The following SLF2 variants were observed in gnomAD, a reference collection of about 807,000 sequenced individuals.
SLF2 encodes SMC5/6 complex localization factor 2.
SLF2 carries 68 observed loss-of-function variants against 124.3 expected under a neutral mutation model. The ratio of observed to expected loss-of-function variants is 0.55; its 90% confidence interval spans 0.45 to 0.67. The LOEUF (loss-of-function observed/expected upper bound fraction) is 0.67, where lower values mean the gene tolerates loss of function less well. Among genes scored for constraint, SLF2 ranks in the 30% least tolerant of loss-of-function variants. The probability of loss-of-function intolerance (pLI) is 0.00; values close to 1 mark genes in which losing one functional copy is unlikely to be tolerated. For missense variants in SLF2, 1,246 were observed against 1,373.7 expected (o/e 0.91, Z 1.47); for synonymous variants, 480 against 478.8 (o/e 1.00, Z -0.03).
chr10:100,913,884 C>G, intron 1 of SLF2: 3 of 984,886 alleles, frequency 3.0e-6, no homozygotes, highest in Non-Finnish European at 3.6e-6. Flanking sequence ...TTTAAATTCC[C>G]TACGAACTTG....
chr10:100,947,893 G>T, intron 15 of SLF2, 46 bp downstream of exon 15: 1 of 1,457,738 alleles, frequency 6.9e-7, no homozygotes, highest in South Asian at 1.1e-5. Context: ...GAGAGGTAAT[G>T]AGAGGTGTAA....
chr10:100,959,815 G>A (rs769380001), intron 19 of SLF2, among the ~76,000 whole-genome samples: 24 of 152,200 alleles, frequency 1.6e-4, no homozygotes, highest in African/African-American at 4.8e-4. Context: ...CCCACTTAAC[G>A]TGTACAGTGG....
intron 13 of SLF2, among the ~76,000 whole-genome samples, chr10:100,946,514 A>T (rs1375988496): frequency 6.6e-6 from 1 of 151,988 alleles, no homozygotes; most frequent in African/African-American, 2.4e-5. Flanking sequence ...TTTAGTAGAG[A>T]CAGGGTTTTA....
chr10:100,938,837 T>C, intron 11 of SLF2, 101 bp downstream of exon 11: 2 of 1,134,842 alleles, frequency 1.8e-6, no homozygotes, highest in Non-Finnish European at 1.2e-6. Context: ...TTTAAAAAGA[T>C]CTCTCAAAGT....
intron 4 of SLF2, among the ~76,000 whole-genome samples, chr10:100,919,564 T>C (rs985995094): frequency 6.6e-6 from 1 of 152,220 alleles, no homozygotes; most frequent in Non-Finnish European, 1.5e-5. Context: ...TATCTTTTTT[T>C]AAAACTAGAA....
chr10:100,918,308 T>G, intron 3 of SLF2, 76 bp from the exon 4 acceptor site: 3 of 912,982 alleles, frequency 3.3e-6, no homozygotes, highest in Non-Finnish European at 5.1e-6. Context: ...AATCTGTGTT[T>G]AAATGTTAGG....
intron 18 of SLF2, among the ~76,000 whole-genome samples, chr10:100,958,573 C>T (rs982981456): frequency 3.3e-5 from 5 of 152,146 alleles, no homozygotes; most frequent in African/African-American, 9.7e-5. Flanking sequence ...AAGTGGAAAG[C>T]GACACAGTGG....
chr10:100,919,174 A>G (rs1235889541), intron 4 of SLF2, among the ~76,000 whole-genome samples: 1 of 151,382 alleles, frequency 6.6e-6, no homozygotes, highest in African/African-American at 2.4e-5. Flanking sequence ...ACCATGCCCG[A>G]CTAATTTTTT....
chr10:100,955,694 G>A (rs1320863825), intron 17 of SLF2, among the ~76,000 whole-genome samples: 1 of 152,108 alleles, frequency 6.6e-6, no homozygotes, highest in Non-Finnish European at 1.5e-5. Flanking sequence ...GATCACCTGA[G>A]GTTAGGAGTT....
At chr10:100,946,976 C>T in intron 13 of SLF2, 63 bp from the exon 14 acceptor site, 1 of 1,247,706 alleles carries the variant, frequency 8.0e-7, no homozygotes, top group Non-Finnish European at 1.2e-6. Context: ...TGTAGATGAT[C>T]TGTTGGGTGT....
intron 18 of SLF2, among the ~76,000 whole-genome samples, chr10:100,957,331 T>TA (rs1564786208): frequency 2.9e-3 from 13 of 4,506 alleles, no homozygotes; most frequent in African/African-American, 0.011. Context: ...GAGTCTTCAA[T>TA]TTTTTTTTTT....
In SLF2 at chr10:100,926,003, A is replaced by G. The variant is rs1018437750; in HGVS notation, c.2026A>G (p.Met676Val). ...TNTLERLVKEMEDTQRLDELQ... is the reference protein window; with the variant it reads ...TNTLERLVKEVEDTQRLDELQ... ...TACCTTAGAACGTCTAGTGAAGGAA[A>G]TGGAAGACACACAAAGGTTTGTTAG... Residue 676 changes from methionine (M) to valine (V), a missense_variant, in exon 6 of 20, where the codon ATG becomes GTG. Around this residue, in one of 3 missense-constraint regions of SLF2, gnomAD observed 535 missense variants for 632.8 expected, o/e 0.85. Transcript: ENST00000238961. 5.6e-6 allele frequency: 9 copies of G among 1,613,678 alleles called. No individual in the cohort carries two copies. The African/African-American group carries it at 1.1e-4, about 19-fold the overall frequency.
intron 19 of SLF2, 24 bp from the exon 20 acceptor site, chr10:100,961,853 C>T: frequency 6.2e-7 from 1 of 1,604,772 alleles, no homozygotes; most frequent in East Asian, 2.2e-5. Context: ...GCTTTACCCT[C>T]TTTTTTCTCC....
At chr10:100,940,886 A>G (rs1055655248) in intron 11 of SLF2, among the ~76,000 whole-genome samples, 2 of 141,534 alleles carry the variant, frequency 1.4e-5, no homozygotes, top group African/African-American at 5.2e-5. Context: ...CTGAGGCTGG[A>G]GTGCAGTGGC....
chr10:100,949,775 TA>T (rs1445064151), intron 15 of SLF2, among the ~76,000 whole-genome samples: 1 of 152,100 alleles, frequency 6.6e-6, no homozygotes, highest in African/African-American at 2.4e-5. Flanking sequence ...TTTGTATTTT[TA>T]GTAGAGGCGG....
intron 16 of SLF2, among the ~76,000 whole-genome samples, 160 bp downstream of exon 16, chr10:100,950,367 T>C (rs1850186981): frequency 1.3e-5 from 2 of 152,254 alleles, no homozygotes; most frequent in South Asian, 4.1e-4. Flanking sequence ...ATCACTGTCA[T>C]GAAATTCTTC....
intron 17 of SLF2, among the ~76,000 whole-genome samples, chr10:100,951,104 G>T (rs111569222): frequency 1.3e-5 from 2 of 152,086 alleles, no homozygotes; most frequent in Non-Finnish European, 2.9e-5. Flanking sequence ...TTAGCCAGGC[G>T]TTGTGGCAGG....
chr10:100,938,656 G>A lies in SLF2; in HGVS notation c.2574G>A (p.Val858=). The A allele has an allele frequency of 6.2e-7, 1 of 1,613,344 alleles. No homozygotes were observed. The highest frequency in any genetic ancestry group is 8.5e-7 in the Non-Finnish European group (1 of 1,179,736). The change falls in exon 11 of 20, where the codon GTG becomes GTA. Residue 858 remains valine, a synonymous_variant. Transcript: ENST00000238961. ...CATCATTGTCTGATGTAGCAGCTGT[G>A]TTTTTCAATATGGGGATTGATTTTA... The part of the protein sequence containing the change: ...WIPSLSDVAA[V]FFNMGIDFRS...
At chr10:100,928,105 A>AGAG (rs1564774155) in intron 6 of SLF2, among the ~76,000 whole-genome samples, 2 of 127,186 alleles carry the variant, frequency 1.6e-5, no homozygotes, top group African/African-American at 6.3e-5. Flanking sequence ...GAGAGAGAGA[A>AGAG]AAGTTGAGGA....
Sources: gnomAD v4.1 joint callset for allele counts (sites outside exome capture counted in the v4.1 genomes callset) on GRCh38, gnomAD v4.1.1 for gene constraint, gnomAD v4.1.1 regional missense constraint, MANE v1.5 for transcripts, NCBI Gene and HGNC (gene_info 2026-07-23, HGNC 2026-07-21) for gene names.